Variants in ASCC3 observed in about 807,000 individuals in gnomAD.
ASCC3 encodes ASC-1 complex subunit P200.
In ASCC3, 158 loss-of-function variants were observed where a neutral mutation model predicts 256.3. The ratio of observed to expected loss-of-function variants is 0.62; its 90% CI spans 0.54 to 0.70. The LOEUF (loss-of-function observed/expected upper bound fraction) is 0.70. Among genes scored for constraint, ASCC3 ranks in the 30% least tolerant of loss-of-function variants. The pLI, the probability that ASCC3 is intolerant of heterozygous loss-of-function variation, is 0.00. For missense variants in ASCC3, 2,259 were observed against 2,626.0 expected (o/e 0.86, Z 3.05); for synonymous variants, 948 against 883.4 (o/e 1.07, Z -1.30).
chr6:100,677,787 T>A (rs1443825192), intron 14 of ASCC3, among the ~76,000 whole-genome samples: 1 of 151,384 alleles, frequency 6.6e-6, no homozygotes, highest in East Asian at 1.9e-4. Context: ...AATAGTTGGA[T>A]CAGGAAAAAA....
chr6:100,678,861 A>G (rs1777153094), intron 14 of ASCC3, among the ~76,000 whole-genome samples: 1 of 152,224 alleles, frequency 6.6e-6, no homozygotes, highest in Non-Finnish European at 1.5e-5. Context: ...TGTTCTGACA[A>G]AACTTTAATT....
At chr6:100,603,116 C>A (rs572489169) in intron 33 of ASCC3, among the ~76,000 whole-genome samples, 2 of 151,608 alleles carry the variant, frequency 1.3e-5, no homozygotes, top group Non-Finnish European at 1.5e-5. Context: ...TTCACTGCAA[C>A]GTTATACATA....
At chr6:100,619,616 T>C (rs1028061345) in intron 30 of ASCC3, among the ~76,000 whole-genome samples, 2 of 152,316 alleles carry the variant, frequency 1.3e-5, no homozygotes, top group East Asian at 1.9e-4. Context: ...AGATGATGTA[T>C]GGTAGAGAAA....
intron 36 of ASCC3, among the ~76,000 whole-genome samples, chr6:100,566,723 T>C (rs1386505276): frequency 6.6e-6 from 1 of 152,078 alleles, no homozygotes; most frequent in Non-Finnish European, 1.5e-5. Context: ...CCCCACCCCA[T>C]CCCTGGGATC....
At position 100,805,892 on chromosome 6, in the gene ASCC3, A is replaced by AGAAAAAAG; in HGVS notation, c.802-20_802-13dup. ...AGCAGTTCAAATAGCTTATAAAAAGAGAAAAAAGTAACAAACATCAGTTAT... is the reference window on the plus strand; with the variant it reads ...AGCAGTTCAAATAGCTTATAAAAAGAGAAAAAAGGAAAAAAGTAACAAACATCAGTTAT... On this transcript the variant is annotated splice_polypyrimidine_tract_variant and intron_variant, in intron 4 of 41. Transcript: ENST00000369162. The AGAAAAAAG allele has an allele frequency of 6.2e-7, 1 of 1,609,284 alleles. No homozygotes were observed. The highest frequency in any genetic ancestry group is 8.5e-7 in the Non-Finnish European group (1 of 1,177,692).
At chr6:100,619,226 ACT>A (rs1773824391) in intron 30 of ASCC3, among the ~76,000 whole-genome samples, 1 of 152,134 alleles carries the variant, frequency 6.6e-6, no homozygotes, top group African/African-American at 2.4e-5. Context: ...CTTCCCTATA[ACT>A]CTAGCTTTGC....
Position 100,650,591 on chromosome 6 carries a change from G to T in ASCC3, c.3199C>A (p.Arg1067=). ...AGGGAGAAACTGTCCATTTCTCCTC[G>T]GCTGATATAAGTTTGAAGTAAGATG... ...INILLQTYIS[R]GEMDSFSLIS... The change falls in exon 20 of 42, where the codon CGA becomes AGA. Residue 1067 remains arginine, a synonymous_variant. Transcript: ENST00000369162. The T allele has an allele frequency of 6.2e-7, 1 of 1,612,688 alleles. No individual in the cohort carries two copies. Among genetic ancestry groups the T allele is most frequent in the Non-Finnish European group, 8.5e-7 (1 of 1,179,080 alleles).
intron 36 of ASCC3, among the ~76,000 whole-genome samples, chr6:100,585,245 A>G (rs577017711): frequency 9.6e-4 from 146 of 152,316 alleles, no homozygotes; most frequent in African/African-American, 2.9e-3. Flanking sequence ...GTCTTTTCAC[A>G]TAGTCCCATA....
rs758935920 is a variant in ASCC3 at position 100,644,042 on chromosome 6, G to A, written c.3721C>T (p.Leu1241=). ...ATATATACACTTACTTGTTTTTTTA[G>A]AGCTAGAAAATACTCTGAATGATAA... The part of the protein sequence containing the change: ...HIYHSEYFLA[L]KKQVISKEAQ... Residue 1241 remains leucine, a synonymous_variant, in exon 23 of 42, where the codon CTA becomes TTA. Coordinates refer to ENST00000369162, the MANE Select transcript of ASCC3 (RefSeq NM_006828.4). 10 of 1,608,986 alleles carry A rather than the reference G, an allele frequency of 6.2e-6. No individual in the cohort carries two copies. In the South Asian group the frequency reaches 1.1e-4, roughly 18 times the overall value.
At chr6:100,879,508 C>A (rs1769174163) in intron 1 of ASCC3, among the ~76,000 whole-genome samples, 1 of 152,102 alleles carries the variant, frequency 6.6e-6, no homozygotes, top group Admixed American at 6.5e-5. Flanking sequence ...CATTAGCATA[C>A]AAAAAGGCAA....
chr6:100,529,147 T>C (rs748452370), intron 37 of ASCC3, among the ~76,000 whole-genome samples: 23 of 152,038 alleles, frequency 1.5e-4, no homozygotes, highest in Non-Finnish European at 3.2e-4. Flanking sequence ...ATAAAATGTG[T>C]GTGTGTGTGT....
rs759414532 is a variant in ASCC3 at position 100,848,549 on chromosome 6, T to C, written c.400A>G (p.Thr134Ala). ...CTAAAATGAGAAATAATTCGATTAG[T>C]AGCATTACAAGCTGCAGTGGCAGAT... Reference protein sequence around the residue: ...SSSATAACNATNRIISHFSQD... With the variant: ...SSSATAACNAANRIISHFSQD... Residue 134 changes from threonine (T) to alanine (A), a missense_variant, in exon 4 of 42, where the codon ACT becomes GCT. Coordinates refer to ENST00000369162, the MANE Select transcript of ASCC3 (RefSeq NM_006828.4). 2.5e-6 allele frequency: 4 copies of C among 1,614,106 alleles called. No homozygotes were observed. The highest frequency in any genetic ancestry group is 1.1e-5 in the South Asian group (1 of 91,086).
At chr6:100,567,662 G>A (rs908931718) in intron 36 of ASCC3, among the ~76,000 whole-genome samples, 9 of 152,062 alleles carry the variant, frequency 5.9e-5, no homozygotes, top group African/African-American at 2.2e-4. Flanking sequence ...GCAGAATTTG[G>A]TTTTCTGTTC....
intron 14 of ASCC3, among the ~76,000 whole-genome samples, chr6:100,672,576 C>T (rs1322162586): frequency 6.6e-6 from 1 of 152,054 alleles, no homozygotes. Context: ...ACTATACATT[C>T]AAAATTTGGT....
Position 100,652,698 on chromosome 6 carries a change from T to C in ASCC3, c.2988+27A>G, listed in dbSNP as rs373318280. ...GTCTAGAAAGTATTTGCATCTAAAATCAAACATATTTGCATTAGTATAATA... is the reference window on the plus strand; with the variant it reads ...GTCTAGAAAGTATTTGCATCTAAAACCAAACATATTTGCATTAGTATAATA... On this transcript the variant is annotated intron_variant, in intron 18 of 41. Transcript: ENST00000369162. 2.5e-6 allele frequency: 4 copies of C among 1,602,912 alleles called. No homozygotes were observed. In the South Asian group the frequency reaches 3.3e-5, roughly 13 times the overall value.
chr6:100,790,843 T>A (rs561279098), intron 8 of ASCC3, among the ~76,000 whole-genome samples: 1 of 152,040 alleles, frequency 6.6e-6, no homozygotes, highest in South Asian at 2.1e-4. Context: ...TTAGCAGGTA[T>A]TTTTGAAGCA....
At chr6:100,572,357 G>A (rs917865777) in intron 36 of ASCC3, among the ~76,000 whole-genome samples, 2 of 152,092 alleles carry the variant, frequency 1.3e-5, no homozygotes, top group Non-Finnish European at 2.9e-5. Context: ...TCCTTGATTT[G>A]GGACTTCATA....
At chr6:100,639,107 A>C (rs1250991214) in intron 24 of ASCC3, among the ~76,000 whole-genome samples, 1 of 152,228 alleles carries the variant, frequency 6.6e-6, no homozygotes, top group Non-Finnish European at 1.5e-5. Context: ...TTGAATAACA[A>C]GTATATGCAT....
At chr6:100,838,413 T>C (rs997564123) in intron 4 of ASCC3, among the ~76,000 whole-genome samples, 2 of 152,068 alleles carry the variant, frequency 1.3e-5, no homozygotes, top group Non-Finnish European at 1.5e-5. Context: ...AATTATTAAG[T>C]ATTCATACAT....
Sources: gnomAD v4.1 joint callset for allele counts (sites outside exome capture counted in the v4.1 genomes callset) on GRCh38, gnomAD v4.1.1 for gene constraint, MANE v1.5 for transcripts, NCBI Gene and HGNC (gene_info 2026-07-23, HGNC 2026-07-21) for gene names.